THSD4: variants seen among roughly 807,000 people sequenced by gnomAD.
THSD4 encodes the protein thrombospondin type-1 domain-containing protein 4.
A neutral mutation model predicts 119.0 loss-of-function variants in THSD4; 69 were observed. The ratio of observed to expected loss-of-function variants is 0.58; its 90% CI spans 0.48 to 0.71. The LOEUF is 0.71. THSD4 is among the 30% of genes least tolerant of loss of function. The pLI is 0.00. For missense variants in THSD4, 1,393 were observed against 1,391.1 expected (o/e 1.00, Z -0.02); for synonymous variants, 524 against 540.4 (o/e 0.97, Z 0.42).
chr15:71,307,657 T>A (rs997780874), intron 6 of THSD4, among the ~76,000 whole-genome samples: 8 of 152,038 alleles, frequency 5.3e-5, no homozygotes, highest in African/African-American at 1.9e-4. Context: ...TAATCCCAGC[T>A]ACTTGGGAGG....
chr15:71,184,827 T>C (rs537253152), intron 3 of THSD4, among the ~76,000 whole-genome samples: 1 of 151,844 alleles, frequency 6.6e-6, no homozygotes, highest in Non-Finnish European at 1.5e-5. Flanking sequence ...CCTCACGCTG[T>C]CCTGAAATGT....
chr15:71,394,613 A>T (rs1372075957), intron 6 of THSD4, among the ~76,000 whole-genome samples: 1 of 152,130 alleles, frequency 6.6e-6, no homozygotes, highest in African/African-American at 2.4e-5. Flanking sequence ...GCATGTGCAT[A>T]GGCTGGTGCT....
rs185433383 is a variant in THSD4, at chr15:71,343,376, G to A, written c.1016-68311G>A. Among the ~76,000 whole-genome samples the A allele has an allele frequency of 6.6e-4, 101 of 152,304 alleles. 2 individuals carry two copies. In the Middle Eastern group the frequency reaches 0.017, roughly 26 times the overall value. On this transcript the variant is annotated intron_variant, in intron 6 of 17. Coordinates refer to ENST00000261862, the MANE Select transcript of THSD4 (RefSeq NM_024817.3). ...CCCGCTGTATTAGTTTCCAGGGTATGCCATGACAGATGACTGTAAAGTTAG... is the reference window on the plus strand; with the variant it reads ...CCCGCTGTATTAGTTTCCAGGGTATACCATGACAGATGACTGTAAAGTTAG...
At chr15:71,600,781 G>A (rs4408492) in intron 7 of THSD4, among the ~76,000 whole-genome samples, 17,893 of 147,780 alleles carry the variant, frequency 0.12, 1,207 homozygotes, top group African/African-American at 0.19. Context: ...TTGCTCTGTC[G>A]CCTAGGCTGG....
chr15:71,408,726 C>T (rs1032847346), intron 6 of THSD4, among the ~76,000 whole-genome samples: 3 of 152,070 alleles, frequency 2.0e-5, no homozygotes, highest in Non-Finnish European at 2.9e-5. Flanking sequence ...GTGGTGCATA[C>T]CTGTAGTCCC....
intron 6 of THSD4, among the ~76,000 whole-genome samples, chr15:71,290,137 T>C (rs940102238): frequency 4.6e-5 from 7 of 152,156 alleles, no homozygotes; most frequent in African/African-American, 1.7e-4. Flanking sequence ...TGCCTTAGTC[T>C]CCCCTACTGT....
chr15:71,107,414 AAAAG>A (rs1280413252), intron 1 of THSD4, among the ~76,000 whole-genome samples: 2 of 152,140 alleles, frequency 1.3e-5, no homozygotes, highest in Non-Finnish European at 2.9e-5. Context: ...AAAGCAAAAG[AAAAG>A]AAAGAAAGCA....
chr15:71,388,229 A>C (rs774674181), intron 6 of THSD4, among the ~76,000 whole-genome samples: 46 of 152,352 alleles, frequency 3.0e-4, no homozygotes, highest in Middle Eastern at 3.4e-3. Flanking sequence ...TCTGCTGCAT[A>C]GCTGCTTGGT....
chr15:71,181,822 C>G (rs1352181262), intron 3 of THSD4, among the ~76,000 whole-genome samples: 3 of 152,224 alleles, frequency 2.0e-5, no homozygotes, highest in Non-Finnish European at 4.4e-5. Flanking sequence ...CAAGGCAGAT[C>G]TGCCTGACTC....
intron 3 of THSD4, among the ~76,000 whole-genome samples, chr15:71,169,521 C>T (rs1193749352): frequency 6.6e-6 from 1 of 151,912 alleles, no homozygotes; most frequent in African/African-American, 2.4e-5. Flanking sequence ...GGAAATAACC[C>T]AAAAGTCCAT....
Position 71,157,757 on chromosome 15 carries a change from T to C in THSD4, c.99+2825T>C, listed in dbSNP as rs377657287. Among the ~76,000 whole-genome samples, 4 of 148,210 alleles carry C rather than the reference T, an allele frequency of 2.7e-5. No homozygotes were observed. The East Asian group carries it at 6.3e-4, about 23-fold the overall frequency. On this transcript the variant is annotated intron_variant, in intron 3 of 17. Coordinates refer to ENST00000261862, the MANE Select transcript of THSD4 (RefSeq NM_024817.3). Reference sequence around the variant, plus strand: ...ATTTGTCTTTCTGTGTCGGCTTATTTCACTTTAAACATAATAACCTCCAGG... The same window carrying C: ...ATTTGTCTTTCTGTGTCGGCTTATTCCACTTTAAACATAATAACCTCCAGG...
At chr15:71,256,584 A>G (rs2044319654) in intron 5 of THSD4, 29 bp from the exon 6 acceptor site, 6 of 1,588,912 alleles carry the variant, frequency 3.8e-6, no homozygotes, top group South Asian at 1.1e-5. Context: ...TATGGACACT[A>G]ATTGCATATT....
chr15:71,534,642 T>C (rs1260059449), intron 7 of THSD4, among the ~76,000 whole-genome samples: 1 of 152,306 alleles, frequency 6.6e-6, no homozygotes, highest in East Asian at 1.9e-4. Flanking sequence ...CAAAATAAAA[T>C]TATATTAAGG....
intron 8 of THSD4, among the ~76,000 whole-genome samples, chr15:71,723,151 ATC>A (rs2052755866): frequency 6.6e-6 from 1 of 151,826 alleles, no homozygotes; most frequent in South Asian, 2.1e-4. Context: ...ATAGAAGTAT[ATC>A]TCTCAAGTAG....
chr15:71,637,337 G>T (rs1334681943), intron 7 of THSD4, among the ~76,000 whole-genome samples: 1 of 152,188 alleles, frequency 6.6e-6, no homozygotes, highest in African/African-American at 2.4e-5. Flanking sequence ...ACCATCTTGG[G>T]CTGTATACAT....
At chr15:71,724,882 C>G (rs55974051) in intron 8 of THSD4, among the ~76,000 whole-genome samples, 6 of 113,856 alleles carry the variant, frequency 5.3e-5, no homozygotes, top group Non-Finnish European at 9.5e-5. Flanking sequence ...GATGGTGGTA[C>G]CATTTACTGA....
At chr15:71,647,239 G>A (rs1470424810) in intron 7 of THSD4, among the ~76,000 whole-genome samples, 1 of 152,234 alleles carries the variant, frequency 6.6e-6, no homozygotes, top group Non-Finnish European at 1.5e-5. Context: ...TGGAAGCCAT[G>A]TGTGGGCAGC....
intron 4 of THSD4, among the ~76,000 whole-genome samples, chr15:71,236,909 T>C (rs1182501098): frequency 6.6e-6 from 1 of 152,170 alleles, no homozygotes; most frequent in Non-Finnish European, 1.5e-5. Flanking sequence ...AGGAAAAACT[T>C]CATTGACACC....
chr15:71,692,668 C>G (rs559381073), intron 8 of THSD4, among the ~76,000 whole-genome samples: 56 of 152,192 alleles, frequency 3.7e-4, no homozygotes, highest in Non-Finnish European at 4.6e-4. Context: ...GTTGGAGTGT[C>G]GCTCTGACCT....
Sources: allele counts gnomAD v4.1 joint callset (sites outside exome capture counted in the v4.1 genomes callset), GRCh38; gene constraint gnomAD v4.1.1; transcripts MANE v1.5; gene names NCBI Gene and HGNC (gene_info 2026-07-23, HGNC 2026-07-21).